Variants in PCDH11X observed in about 807,000 individuals in gnomAD.
The protein encoded by PCDH11X is protocadherin 11 X-linked.
Under a neutral mutation model 53.3 loss-of-function variants are expected in PCDH11X, and 18 were observed. The observed-to-expected ratio is 0.34, with a 90% CI of 0.23 to 0.50. The LOEUF (loss-of-function observed/expected upper bound fraction) is 0.50. Among genes scored for constraint, PCDH11X ranks in the 20% least tolerant of loss-of-function variants. PCDH11X has a pLI of 0.98. For synonymous variants in PCDH11X, 279 were observed against 393.3 expected, an observed-to-expected ratio of 0.71 and a Z score of 3.44; for missense variants, 570 against 1,032.4, an observed-to-expected ratio of 0.55 and a Z score of 6.14.
In PCDH11X at chrX:92,562,788, A is replaced by G. The variant is rs755181751; in HGVS notation, c.3368-55476A>G. 3.2e-4 allele frequency among the ~76,000 whole-genome samples: 35 copies of G among 110,397 alleles called. No homozygotes were observed. The East Asian group carries it at 8.9e-3, about 28-fold the overall frequency. On this transcript the variant is annotated intron_variant, in intron 10 of 10. Coordinates refer to ENST00000682573, the MANE Select transcript of PCDH11X (RefSeq NM_032968.5). Reference sequence around the variant, plus strand: ...ACCAATTTTTTTGCTAAGTCATAACAAAAGTGACCTTGGCTCCATTTCCCA... The same window carrying G: ...ACCAATTTTTTTGCTAAGTCATAACGAAAGTGACCTTGGCTCCATTTCCCA...
At chrX:92,347,654 T>C (rs1363309716) in intron 8 of PCDH11X, among the ~76,000 whole-genome samples, 1 of 111,772 alleles carries the variant, frequency 8.9e-6, no homozygotes, top group Non-Finnish European at 1.9e-5. Flanking sequence ...GATGAGGGTC[T>C]TGGATTCCTA....
At chrX:92,179,426 T>G (rs1451399389) in intron 6 of PCDH11X, among the ~76,000 whole-genome samples, 4 of 111,989 alleles carry the variant, frequency 3.6e-5, no homozygotes, top group Non-Finnish European at 7.5e-5. Context: ...ACTTTGAACA[T>G]TTTAACCCAT....
At chrX:91,915,893 T>A in intron 6 of PCDH11X, among the ~76,000 whole-genome samples, 1 of 109,840 alleles carries the variant, frequency 9.1e-6, no homozygotes, top group East Asian at 2.8e-4. Context: ...AGACTATACA[T>A]TTTTTTTCAG....
intron 8 of PCDH11X, among the ~76,000 whole-genome samples, chrX:92,311,334 T>A (rs1317302189): frequency 1.8e-5 from 2 of 109,775 alleles, no homozygotes; most frequent in Non-Finnish European, 3.8e-5. Flanking sequence ...CAGTGTTAGA[T>A]TCTAAGTGGT....
intron 8 of PCDH11X, among the ~76,000 whole-genome samples, chrX:92,320,901 C>T (rs1378854904): frequency 9.2e-6 from 1 of 109,212 alleles, no homozygotes; most frequent in Non-Finnish European, 1.9e-5. Flanking sequence ...CCTGACACAT[C>T]TATTGAACAA....
intron 8 of PCDH11X, among the ~76,000 whole-genome samples, chrX:92,371,225 G>T (rs2070616044): frequency 9.4e-6 from 1 of 106,768 alleles, no homozygotes; most frequent in South Asian, 4.3e-4. Flanking sequence ...TTAAGCAATT[G>T]CTCATAGTCA....
At chrX:92,526,158 A>G (rs1457713928) in intron 10 of PCDH11X, among the ~76,000 whole-genome samples, 1 of 111,154 alleles carries the variant, frequency 9.0e-6, no homozygotes, top group East Asian at 2.8e-4. Context: ...TTTTTCTTCT[A>G]CAACCTGCAA....
At chrX:92,597,195 G>C (rs1313145189) in intron 10 of PCDH11X, among the ~76,000 whole-genome samples, 1 of 110,794 alleles carries the variant, frequency 9.0e-6, no homozygotes, top group African/African-American at 3.3e-5. Flanking sequence ...TCAGACAAGA[G>C]AAATACATAA....
intron 8 of PCDH11X, among the ~76,000 whole-genome samples, chrX:92,339,238 C>T (rs374246650): frequency 1.8e-5 from 2 of 111,531 alleles, no homozygotes; most frequent in African/African-American, 3.3e-5. Flanking sequence ...GAAATTAGAC[C>T]GCCATCTGTC....
At chrX:92,233,313 A>G (rs780250797) in intron 7 of PCDH11X, among the ~76,000 whole-genome samples, 7 of 111,496 alleles carry the variant, frequency 6.3e-5, no homozygotes, top group Admixed American at 9.6e-5. Context: ...AAAACATTAC[A>G]TAACACTCTA....
intron 6 of PCDH11X, among the ~76,000 whole-genome samples, chrX:92,127,874 A>G (rs2064898131): frequency 9.0e-6 from 1 of 111,210 alleles, no homozygotes; most frequent in Admixed American, 9.7e-5. Context: ...CTAAAGTATC[A>G]ATTTAATGCA....
At chrX:92,058,401 TA>T (rs1229572299) in intron 6 of PCDH11X, among the ~76,000 whole-genome samples, 2 of 110,346 alleles carry the variant, frequency 1.8e-5, no homozygotes, top group Non-Finnish European at 3.8e-5. Flanking sequence ...CTTCTGAATC[TA>T]AAATAAAATC....
chrX:92,388,752 A>C (rs1402895015), intron 9 of PCDH11X, among the ~76,000 whole-genome samples: 2 of 108,932 alleles, frequency 1.8e-5, no homozygotes, highest in African/African-American at 6.7e-5. Flanking sequence ...GAAAAAAGTC[A>C]TAGCCATAAA....
At chrX:92,251,503 A>T (rs781089280) in intron 7 of PCDH11X, among the ~76,000 whole-genome samples, 2 of 111,151 alleles carry the variant, frequency 1.8e-5, no homozygotes, top group Non-Finnish European at 3.8e-5. Flanking sequence ...TTTAGAATTG[A>T]GCAAATTTGG....
chrX:92,320,363 G>T (rs2069172658), intron 8 of PCDH11X, among the ~76,000 whole-genome samples: 1 of 110,645 alleles, frequency 9.0e-6, no homozygotes, highest in South Asian at 3.8e-4. Context: ...AAGGAAGTAG[G>T]CAGATCTAAC....
intron 9 of PCDH11X, among the ~76,000 whole-genome samples, chrX:92,466,187 G>C (rs980751896): frequency 1.8e-5 from 2 of 110,550 alleles, no homozygotes; most frequent in Non-Finnish European, 3.8e-5. Flanking sequence ...ATAAAATTCG[G>C]TTGGATTATT....
intron 6 of PCDH11X, among the ~76,000 whole-genome samples, chrX:92,012,644 C>T (rs2525234): frequency 2.7e-5 from 3 of 111,360 alleles, no homozygotes; most frequent in Admixed American, 1.9e-4. Context: ...ATAAAATCTC[C>T]GCCTAAAATG....
chrX:92,038,133 G>T (rs1385559800), intron 6 of PCDH11X, among the ~76,000 whole-genome samples: 1 of 111,204 alleles, frequency 9.0e-6, no homozygotes, highest in Non-Finnish European at 1.9e-5. Context: ...CAATGTAATA[G>T]AAAAGAAAAT....
chrX:91,986,358 TA>T (rs1439089963), intron 6 of PCDH11X, among the ~76,000 whole-genome samples: 3 of 112,011 alleles, frequency 2.7e-5, no homozygotes, highest in African/African-American at 6.5e-5. Context: ...TCAACCATTT[TA>T]AAATTCATTC....
Sources: gnomAD v4.1 joint callset for allele counts (sites outside exome capture counted in the v4.1 genomes callset) on GRCh38, gnomAD v4.1.1 for gene constraint, MANE v1.5 for transcripts, NCBI Gene and HGNC (gene_info 2026-07-23, HGNC 2026-07-21) for gene names.